Variants in FAM135B observed in about 807,000 individuals in gnomAD.
FAM135B encodes protein FAM135B.
In FAM135B, 43 loss-of-function variants were observed where a neutral mutation model predicts 127.7. The ratio of observed to expected loss-of-function variants is 0.34; its 90% CI spans 0.26 to 0.43. FAM135B has a LOEUF of 0.43. FAM135B is among the 20% of genes least tolerant of loss of function. The pLI, the probability that FAM135B is intolerant of heterozygous loss-of-function variation, is 1.00. For synonymous variants in FAM135B, 670 were observed against 665.1 expected (o/e 1.01, Z -0.11); for missense variants, 1,558 against 1,725.6 (o/e 0.90, Z 1.72).
chr8:138,344,797 G>A (rs548232760), intron 2 of FAM135B, among the ~76,000 whole-genome samples: 188 of 152,020 alleles, frequency 1.2e-3, no homozygotes, highest in African/African-American at 4.1e-3. Flanking sequence ...GGATGGTCTC[G>A]ATCTCCTGAC....
intron 1 of FAM135B, among the ~76,000 whole-genome samples, chr8:138,382,807 A>G (rs1285912612): frequency 6.6e-6 from 1 of 152,154 alleles, no homozygotes; most frequent in Admixed American, 6.6e-5. Flanking sequence ...AGTTAGAAAT[A>G]CCCGACCCCC....
At chr8:138,420,526 A>G (rs1401756939) in intron 1 of FAM135B, among the ~76,000 whole-genome samples, 2 of 151,978 alleles carry the variant, frequency 1.3e-5, no homozygotes, top group African/African-American at 2.4e-5. Flanking sequence ...TCTATTAATA[A>G]CACCAAAACT....
At chr8:138,173,439 G>A (rs1814107443) in intron 11 of FAM135B, among the ~76,000 whole-genome samples, 2 of 152,054 alleles carry the variant, frequency 1.3e-5, no homozygotes, top group African/African-American at 2.4e-5. Flanking sequence ...TGCTTGTGTC[G>A]CTTGCTGGCT....
At chr8:138,375,789 T>C (rs1831432294) in intron 1 of FAM135B, among the ~76,000 whole-genome samples, 1 of 152,092 alleles carries the variant, frequency 6.6e-6, no homozygotes, top group African/African-American at 2.4e-5. Context: ...CTAGGCAACA[T>C]GGTAGGGATG....
In FAM135B at chr8:138,243,522, G is replaced by A. The variant is rs149863053; in HGVS notation, c.543-454C>T. Among the ~76,000 whole-genome samples the A allele has an allele frequency of 2.8e-3, 424 of 152,290 alleles. 1 individual carries two copies. The highest frequency in any genetic ancestry group is 9.6e-3 in the African/African-American group (399 of 41,568). On this transcript the variant is annotated intron_variant, in intron 6 of 19. Coordinates refer to ENST00000395297, the MANE Select transcript of FAM135B (RefSeq NM_015912.4). The surrounding 1 kb of genome is among the most constrained non-coding windows in gnomAD (Gnocchi z 7.5). ...AAAAGCATAAAACATCTTCCTCCAT[G>A]ATCCGCATGAGAGTCTAATACGATG... is the stretch of plus-strand genomic sequence containing the variant.
chr8:138,339,837 G>A (rs1299786088), intron 2 of FAM135B, among the ~76,000 whole-genome samples: 2 of 152,188 alleles, frequency 1.3e-5, no homozygotes, highest in Non-Finnish European at 2.9e-5. Flanking sequence ...GGACTCCAAA[G>A]AGAGGGGTTC....
chr8:138,445,531 A>G (rs1189455732), intron 1 of FAM135B, among the ~76,000 whole-genome samples: 3 of 152,242 alleles, frequency 2.0e-5, no homozygotes, highest in Non-Finnish European at 2.9e-5. Context: ...TCTAGCATAT[A>G]AACAGAACCA....
intron 1 of FAM135B, among the ~76,000 whole-genome samples, chr8:138,379,629 A>G (rs1317982912): frequency 6.6e-6 from 1 of 152,126 alleles, no homozygotes; most frequent in African/African-American, 2.4e-5. Context: ...TGGGGGAAGC[A>G]TACTGGATAC....
intron 15 of FAM135B, chr8:138,144,170 C>T (rs941374605): frequency 1.3e-5 from 2 of 152,286 alleles, no homozygotes; most frequent in African/African-American, 4.8e-5. Flanking sequence ...CCTGTAAACA[C>T]AGCACTTTGG....
intron 1 of FAM135B, among the ~76,000 whole-genome samples, chr8:138,470,028 C>G (rs920404329): frequency 6.6e-6 from 1 of 152,108 alleles, no homozygotes; most frequent in African/African-American, 2.4e-5. Context: ...TTCTCCTCGA[C>G]ATGGAGTATG....
Position 138,143,698 on chromosome 8 carries a change from A to G in FAM135B, c.3541-589T>C, listed in dbSNP as rs201754429. Among the ~76,000 whole-genome samples the G allele has an allele frequency of 3.9e-5, 6 of 152,372 alleles. No individual in the cohort carries two copies. In the East Asian group the frequency reaches 7.7e-4, roughly 20 times the overall value. ...AGGAAGATATATTAGATTGGTTTCT[A>G]TAACCTCAAGGACTAACTTTTAGAA... On this transcript the variant is annotated intron_variant, in intron 15 of 19. Coordinates refer to ENST00000395297, the MANE Select transcript of FAM135B (RefSeq NM_015912.4).
In FAM135B at chr8:138,491,083, G is replaced by A. The variant is rs181301201; in HGVS notation, c.-20+5588C>T. On this transcript the variant is annotated intron_variant, in intron 1 of 19. Transcript: ENST00000395297. ...TTCAACCCAGGAAGTGGAGGTTGCA[G>A]TGAGCCGAGATCGTGCCATTGCACT... Among the ~76,000 whole-genome samples the A allele has an allele frequency of 1.1e-3, 166 of 149,978 alleles. 1 individual carries two copies. The highest frequency in any genetic ancestry group is 3.9e-3 in the African/African-American group (157 of 40,770).
chr8:138,406,454 CA>C (rs1266782489), intron 1 of FAM135B, among the ~76,000 whole-genome samples: 21 of 149,378 alleles, frequency 1.4e-4, no homozygotes, highest in Non-Finnish European at 1.6e-4. Flanking sequence ...GAGACACAAC[CA>C]AAAAAGAGAA....
chr8:138,205,480 G>A (rs1026288481), intron 7 of FAM135B, among the ~76,000 whole-genome samples: 3 of 152,322 alleles, frequency 2.0e-5, no homozygotes, highest in African/African-American at 7.2e-5. Flanking sequence ...AAGGAAACCA[G>A]CTTCATCAAT....
At chr8:138,321,616 C>T (rs941766808) in intron 2 of FAM135B, among the ~76,000 whole-genome samples, 1 of 151,962 alleles carries the variant, frequency 6.6e-6, no homozygotes, top group Non-Finnish European at 1.5e-5. Context: ...TCAAGGTCCT[C>T]AGGTATAAAT....
intron 1 of FAM135B, among the ~76,000 whole-genome samples, chr8:138,493,379 T>C (rs1201044644): frequency 6.6e-6 from 1 of 152,140 alleles, no homozygotes; most frequent in African/African-American, 2.4e-5. Context: ...TCTTCTTCTC[T>C]TGTAGAACTG....
chr8:138,371,765 T>C (rs942357142), intron 1 of FAM135B, among the ~76,000 whole-genome samples: 1 of 152,184 alleles, frequency 6.6e-6, no homozygotes, highest in Non-Finnish European at 1.5e-5. Context: ...CGGCACCATG[T>C]GCACACACAC....
intron 7 of FAM135B, among the ~76,000 whole-genome samples, chr8:138,217,015 A>G (rs1818598801): frequency 6.6e-6 from 1 of 152,124 alleles, no homozygotes; most frequent in African/African-American, 2.4e-5. Context: ...CCTGATGCAC[A>G]TGATAGTATA....
chr8:138,403,863 A>G (rs1365492109), intron 1 of FAM135B, among the ~76,000 whole-genome samples: 1 of 152,222 alleles, frequency 6.6e-6, no homozygotes, highest in African/African-American at 2.4e-5. Context: ...CTTTGCCAGC[A>G]ATGTCTGAAA....
Sources: gnomAD v4.1 joint callset for allele counts (sites outside exome capture counted in the v4.1 genomes callset) on GRCh38, gnomAD v4.1.1 for gene constraint, Gnocchi (gnomAD v3.1) non-coding constraint, MANE v1.5 for transcripts, NCBI Gene and HGNC (gene_info 2026-07-23, HGNC 2026-07-21) for gene names.